Variants in PLPPR1 observed in about 807,000 individuals in gnomAD.
PLPPR1 encodes the protein phospholipid phosphatase-related protein type 1.
A neutral mutation model predicts 33.1 loss-of-function variants in PLPPR1; 10 were observed. That is an observed-to-expected ratio of 0.30 (90% confidence interval 0.19 to 0.51). The LOEUF (loss-of-function observed/expected upper bound fraction) is 0.51, where lower values mean the gene tolerates loss of function less well. Ranked by LOEUF, PLPPR1 falls within the 20% of genes least tolerant of loss-of-function variation. PLPPR1 has a pLI of 0.97. For synonymous variants in PLPPR1, 151 were observed against 151.0 expected (o/e 1.00, Z 0.00); for missense variants, 304 against 408.1 (o/e 0.74, Z 2.20).
intron 1 of PLPPR1, among the ~76,000 whole-genome samples, chr9:101,039,834 C>T (rs1830054800): frequency 6.6e-6 from 1 of 151,632 alleles, no homozygotes; most frequent in Non-Finnish European, 1.5e-5. Context: ...CACCTCCCAC[C>T]GGGCTCCTCC....
intron 2 of PLPPR1, among the ~76,000 whole-genome samples, chr9:101,203,334 TATAGG>T: frequency 6.6e-6 from 1 of 152,122 alleles, no homozygotes; most frequent in Non-Finnish European, 1.5e-5. Flanking sequence ...AACCAAGCTA[TATAGG>T]ATTTAAGCAG....
chr9:101,153,333 C>G (rs113688126), intron 1 of PLPPR1, among the ~76,000 whole-genome samples: 2 of 152,292 alleles, frequency 1.3e-5, no homozygotes, highest in Admixed American at 1.3e-4. Flanking sequence ...ATCATGTCAT[C>G]TGCAAACAGG....
chr9:101,243,661 C>G (rs1239386562), intron 2 of PLPPR1, among the ~76,000 whole-genome samples: 1 of 151,628 alleles, frequency 6.6e-6, no homozygotes, highest in Non-Finnish European at 1.5e-5. Context: ...TATAAGGTGC[C>G]TAAGAAATTT....
chr9:101,044,706 A>G (rs936190063), intron 1 of PLPPR1, among the ~76,000 whole-genome samples: 4 of 152,186 alleles, frequency 2.6e-5, no homozygotes, highest in Non-Finnish European at 5.9e-5. Context: ...TTCAATTGAA[A>G]ACCAAAGCAT....
chr9:101,297,055 A>T (rs980048775), intron 4 of PLPPR1, among the ~76,000 whole-genome samples: 5 of 152,178 alleles, frequency 3.3e-5, no homozygotes, highest in Non-Finnish European at 7.3e-5. Context: ...TATCCATAGC[A>T]AAGAGACTGA....
intron 2 of PLPPR1, among the ~76,000 whole-genome samples, chr9:101,234,740 T>A (rs996028009): frequency 3.9e-5 from 6 of 151,934 alleles, no homozygotes; most frequent in African/African-American, 4.8e-5. Context: ...TACTTAGAAG[T>A]GACTTCATTG....
At chr9:101,222,362 G>A (rs1431378357) in intron 2 of PLPPR1, among the ~76,000 whole-genome samples, 1 of 152,184 alleles carries the variant, frequency 6.6e-6, no homozygotes, top group Non-Finnish European at 1.5e-5. Context: ...GCAATTGTAT[G>A]TGATGTGGCT....
intron 1 of PLPPR1, among the ~76,000 whole-genome samples, chr9:101,038,025 A>G (rs1300597410): frequency 2.0e-5 from 3 of 152,116 alleles, no homozygotes; most frequent in Admixed American, 2.0e-4. Flanking sequence ...TGTAGAAAGT[A>G]AATATCACTC....
chr9:101,312,403 AG>A (rs1288504723), intron 5 of PLPPR1, among the ~76,000 whole-genome samples: 3 of 152,218 alleles, frequency 2.0e-5, no homozygotes, highest in African/African-American at 7.2e-5. Context: ...CTCCACCAAA[AG>A]CTTCATTCCC....
At chr9:101,149,580 G>A (rs552547012) in intron 1 of PLPPR1, among the ~76,000 whole-genome samples, 133 of 152,172 alleles carry the variant, frequency 8.7e-4, no homozygotes, top group African/African-American at 3.0e-3. Flanking sequence ...CTCAGGTCAT[G>A]TTTTCATTTC....
At chr9:101,319,185 T>C (rs1829108645) in intron 7 of PLPPR1, among the ~76,000 whole-genome samples, 1 of 152,350 alleles carries the variant, frequency 6.6e-6, no homozygotes, top group African/African-American at 2.4e-5. Context: ...ATGCTCTTTT[T>C]TCCCCCGCTG....
intron 2 of PLPPR1, among the ~76,000 whole-genome samples, chr9:101,200,657 T>C (rs1198093815): frequency 6.6e-6 from 1 of 152,212 alleles, no homozygotes; most frequent in Non-Finnish European, 1.5e-5. Flanking sequence ...CCATTATTTC[T>C]GTGTAGGTCC....
intron 1 of PLPPR1, among the ~76,000 whole-genome samples, chr9:101,029,754 C>T (rs1417944587): frequency 6.6e-6 from 1 of 152,178 alleles, no homozygotes; most frequent in African/African-American, 2.4e-5. Context: ...TACTGACAGG[C>T]TTGCCATAAT....
chr9:101,205,403 A>G (rs1050662334), intron 2 of PLPPR1, among the ~76,000 whole-genome samples: 1 of 152,206 alleles, frequency 6.6e-6, no homozygotes, highest in Non-Finnish European at 1.5e-5. Flanking sequence ...CTCTTCACCT[A>G]GAAGGGGCCT....
chr9:101,093,063 T>C (rs1259268879), intron 1 of PLPPR1, among the ~76,000 whole-genome samples: 4 of 152,210 alleles, frequency 2.6e-5, no homozygotes, highest in Non-Finnish European at 5.9e-5. Context: ...ACCGAGCCTA[T>C]GGTCTTTTAT....
chr9:101,129,952 A>C (rs1469226965), intron 1 of PLPPR1, among the ~76,000 whole-genome samples: 1 of 152,202 alleles, frequency 6.6e-6, no homozygotes, highest in Non-Finnish European at 1.5e-5. Flanking sequence ...TATTCCATTT[A>C]CGTAAAATTC....
At chr9:101,234,728 A>T (rs905594572) in intron 2 of PLPPR1, among the ~76,000 whole-genome samples, 1 of 151,988 alleles carries the variant, frequency 6.6e-6, no homozygotes, top group African/African-American at 2.4e-5. Flanking sequence ...TTGTCTGCCA[A>T]TTACTTAGAA....
chr9:101,080,611 A>G (rs1830605141), intron 1 of PLPPR1, among the ~76,000 whole-genome samples: 2 of 152,192 alleles, frequency 1.3e-5, no homozygotes, highest in Non-Finnish European at 2.9e-5. Flanking sequence ...ACTGATATCA[A>G]TATCTTTAGA....
intron 2 of PLPPR1, among the ~76,000 whole-genome samples, chr9:101,210,393 A>C (rs763432068): frequency 6.6e-6 from 1 of 152,128 alleles, no homozygotes; most frequent in Non-Finnish European, 1.5e-5. Flanking sequence ...ATGGGAAGTA[A>C]GCAGTGGTTA....
Sources: gnomAD v4.1 joint callset for allele counts (sites outside exome capture counted in the v4.1 genomes callset) on GRCh38, gnomAD v4.1.1 for gene constraint, MANE v1.5 for transcripts, NCBI Gene and HGNC (gene_info 2026-07-23, HGNC 2026-07-21) for gene names.